The following PARD3B variants were observed in gnomAD, a reference collection of about 807,000 sequenced individuals.
PARD3B encodes the protein par-3 family cell polarity regulator beta.
PARD3B carries 103 observed loss-of-function variants against 130.2 expected under a neutral mutation model. The ratio of observed to expected loss-of-function variants is 0.79; its 90% CI spans 0.67 to 0.93. The LOEUF (loss-of-function observed/expected upper bound fraction) is 0.93. PARD3B is among the 40% of genes least tolerant of loss of function. The pLI is 0.00. For missense variants in PARD3B, 1,609 were observed against 1,499.2 expected, an observed-to-expected ratio of 1.07 and a Z score of -1.21; for synonymous variants, 583 against 553.2, an observed-to-expected ratio of 1.05 and a Z score of -0.76.
At chr2:205,365,474 C>T (rs1018954740) in intron 18 of PARD3B, among the ~76,000 whole-genome samples, 1 of 151,286 alleles carries the variant, frequency 6.6e-6, no homozygotes. Context: ...AATCCGTTTA[C>T]AGACACAGGC....
chr2:204,903,306 C>A (rs1046165520), intron 2 of PARD3B, among the ~76,000 whole-genome samples: 15 of 152,104 alleles, frequency 9.9e-5, no homozygotes, highest in African/African-American at 2.4e-5. Context: ...AAAGACCATG[C>A]AAGGGCTAAC....
intron 11 of PARD3B, among the ~76,000 whole-genome samples, chr2:205,166,151 A>T (rs2034803666): frequency 6.6e-6 from 1 of 152,228 alleles, no homozygotes; most frequent in Non-Finnish European, 1.5e-5. Flanking sequence ...ACTTAAAATT[A>T]CCCATTCTAT....
At chr2:205,561,345 A>G (rs1439771288) in intron 22 of PARD3B, among the ~76,000 whole-genome samples, 1 of 152,184 alleles carries the variant, frequency 6.6e-6, no homozygotes, top group Non-Finnish European at 1.5e-5. Context: ...GCTGAAGCTA[A>G]TCTAGATAGT....
intron 20 of PARD3B, among the ~76,000 whole-genome samples, chr2:205,459,027 G>C (rs543102245): frequency 2.6e-5 from 4 of 152,254 alleles, no homozygotes; most frequent in African/African-American, 7.2e-5. Context: ...TTCCTTAGCA[G>C]GTTCTCAACT....
At position 205,618,593 on chromosome 2, in the gene PARD3B, C is replaced by T. The variant is rs1249271075; in HGVS notation, c.*2780C>T. 2.0e-5 allele frequency: 3 copies of T among 152,240 alleles called. No individual in the cohort carries two copies. Among genetic ancestry groups the T allele is most frequent in the Admixed American group, 2.0e-4 (3 of 15,288 alleles). The allele number at this position is 152,240 out of a possible 1,614,324, so 9.4% of individuals were successfully genotyped here. A position where few individuals can be genotyped will look rare whatever the true frequency, so the allele number is the denominator to read the frequency against. On this transcript the variant is annotated 3_prime_UTR_variant, in exon 23 of 23. Transcript: ENST00000406610. The stretch of plus-strand genomic sequence containing the variant: ...TCCAAACCCAATCAACATACATCCA[C>T]TTGGCTGCAGATCTGACTGCTGGGT...
intron 4 of PARD3B, among the ~76,000 whole-genome samples, chr2:205,066,678 T>A (rs1700397337): frequency 6.6e-6 from 1 of 152,140 alleles, no homozygotes; most frequent in South Asian, 2.1e-4. Context: ...TGTAACACAT[T>A]TGGAAATCAG....
rs1445163480 is a variant in PARD3B at position 205,473,754 on chromosome 2, AT to A, written c.3045-26141del. The stretch of plus-strand genomic sequence containing the variant: ...ACCCTAAATATATATATATATATAT[AT>A]AACCTTAAATATATATATTTTATAT... On this transcript the variant is annotated intron_variant, in intron 20 of 22. Transcript: ENST00000406610. This position sits in a 1 kb window ranked among gnomAD's most constrained non-coding sequence, Gnocchi z 4.9. 1.4e-5 allele frequency among the ~76,000 whole-genome samples: 2 copies of A among 145,006 alleles called. No homozygotes were observed. Among genetic ancestry groups the A allele is most frequent in the African/African-American group, 5.1e-5 (2 of 38,958 alleles).
rs35556760 is a variant in PARD3B at position 205,463,438 on chromosome 2, T to TA, written c.3044+22787dup. Among the ~76,000 whole-genome samples the TA allele has an allele frequency of 0.025, 3,034 of 121,488 alleles. 83 individuals are homozygous for TA. Among genetic ancestry groups the TA allele is most frequent in the East Asian group, 0.16 (645 of 4,160 alleles). 79.7% of individuals were successfully genotyped at this position (121,488 alleles called of 152,430 possible). On this transcript the variant is annotated intron_variant, in intron 20 of 22. Transcript: ENST00000406610. This position sits in a 1 kb window ranked among gnomAD's most constrained non-coding sequence, Gnocchi z 4.8. Reference sequence around the variant, plus strand: ...AACATTTCACTGCACATTAATTCTTTAAAAAAAAAAAAAAAAAAAAACCTG... The same window carrying TA: ...AACATTTCACTGCACATTAATTCTTTAAAAAAAAAAAAAAAAAAAAAACCTG...
chr2:205,613,417 G>A (rs766838057), intron 22 of PARD3B, among the ~76,000 whole-genome samples: 1 of 152,236 alleles, frequency 6.6e-6, no homozygotes, highest in Non-Finnish European at 1.5e-5. Context: ...TGAGGTGGAG[G>A]AGAGAGACTT....
At chr2:205,612,165 C>T (rs1038305073) in intron 22 of PARD3B, among the ~76,000 whole-genome samples, 36 of 152,154 alleles carry the variant, frequency 2.4e-4, no homozygotes, top group Non-Finnish European at 3.1e-4. Flanking sequence ...TTTCAAAATT[C>T]TTCTTGAGAC....
At chr2:205,195,714 A>T (rs1404553093) in intron 15 of PARD3B, among the ~76,000 whole-genome samples, 1 of 152,218 alleles carries the variant, frequency 6.6e-6, no homozygotes, top group Admixed American at 6.5e-5. Context: ...TTGATTCTTT[A>T]AAGCGTTTTA....
intron 2 of PARD3B, among the ~76,000 whole-genome samples, chr2:204,935,363 A>G (rs1474493528): frequency 1.5e-5 from 2 of 131,492 alleles, no homozygotes; most frequent in Non-Finnish European, 3.5e-5. Flanking sequence ...CCCTGTCTCT[A>G]CTAAAAATAC....
chr2:204,743,883 A>T (rs1428435769), intron 2 of PARD3B, among the ~76,000 whole-genome samples: 17 of 152,028 alleles, frequency 1.1e-4, no homozygotes, highest in Admixed American at 9.8e-4. Flanking sequence ...AGGACTTCTC[A>T]TTTCTTTCAC....
chr2:205,569,706 G>A (rs1460939326), intron 22 of PARD3B, among the ~76,000 whole-genome samples: 2 of 152,170 alleles, frequency 1.3e-5, no homozygotes, highest in African/African-American at 4.8e-5. Context: ...TATGCCCTAT[G>A]TCAGGATACT....
rs1687697475 is a variant in PARD3B at position 204,927,325 on chromosome 2, T to TA, written c.223-37823dup. ...CTCATGAATAGGATTAGTGCCCTTATAAAAGGCACCCCAGAGAGATCTCCT... is the reference window on the plus strand; with the variant it reads ...CTCATGAATAGGATTAGTGCCCTTATAAAAAGGCACCCCAGAGAGATCTCCT... On this transcript the variant is annotated intron_variant, in intron 2 of 22. Coordinates refer to ENST00000406610, the MANE Select transcript of PARD3B (RefSeq NM_001302769.2). Among the ~76,000 whole-genome samples the TA allele has an allele frequency of 2.0e-5, 3 of 152,044 alleles. No individual in the cohort carries two copies. In the South Asian group the frequency reaches 6.2e-4, roughly 31 times the overall value.
chr2:204,586,541 T>C (rs1373611851), intron 1 of PARD3B, among the ~76,000 whole-genome samples: 1 of 152,216 alleles, frequency 6.6e-6, no homozygotes, highest in African/African-American at 2.4e-5. Context: ...AGCCTTTTGC[T>C]TAAATTGCCA....
intron 21 of PARD3B, among the ~76,000 whole-genome samples, chr2:205,541,775 T>G (rs2052150602): frequency 6.6e-6 from 1 of 152,110 alleles, no homozygotes; most frequent in Non-Finnish European, 1.5e-5. Context: ...CCCTGCCAAG[T>G]TTATGGCACT....
At chr2:205,060,820 CAACT>C (rs1424857821) in intron 4 of PARD3B, among the ~76,000 whole-genome samples, 3 of 152,086 alleles carry the variant, frequency 2.0e-5, no homozygotes, top group Non-Finnish European at 4.4e-5. Flanking sequence ...TTTAGCTTCT[CAACT>C]AACGTCATGA....
intron 18 of PARD3B, among the ~76,000 whole-genome samples, chr2:205,388,692 G>T (rs2045747720): frequency 6.6e-6 from 1 of 152,066 alleles, no homozygotes; most frequent in African/African-American, 2.4e-5. Flanking sequence ...AAAATCCCAT[G>T]GGAAATCTAT....
Sources: gnomAD v4.1 joint callset for allele counts (sites outside exome capture counted in the v4.1 genomes callset) on GRCh38, gnomAD v4.1.1 for gene constraint, Gnocchi (gnomAD v3.1) non-coding constraint, MANE v1.5 for transcripts, NCBI Gene and HGNC (gene_info 2026-07-23, HGNC 2026-07-21) for gene names.